Variants in GAREM1 observed in about 807,000 individuals in gnomAD.
The protein encoded by GAREM1 is GRB2-associated and regulator of MAPK protein 1.
GAREM1 carries 26 observed loss-of-function variants against 71.3 expected under a neutral mutation model. The observed-to-expected ratio is 0.36, with a 90% CI of 0.27 to 0.51. The LOEUF is 0.51. Among genes scored for constraint, GAREM1 ranks in the 20% least tolerant of loss-of-function variants. The pLI, the probability that GAREM1 is intolerant of heterozygous loss-of-function variation, is 0.95. For synonymous variants in GAREM1, 440 were observed against 433.2 expected, an observed-to-expected ratio of 1.02 and a Z score of -0.20; for missense variants, 1,026 against 1,103.1, an observed-to-expected ratio of 0.93 and a Z score of 0.99.
chr18:32,385,952 C>G (rs2048143483), intron 2 of GAREM1, among the ~76,000 whole-genome samples: 1 of 152,142 alleles, frequency 6.6e-6, no homozygotes, highest in Non-Finnish European at 1.5e-5. Flanking sequence ...ATGGTAAGCA[C>G]TAAATAAATT....
At chr18:32,286,194 A>G (rs2047015794) in intron 4 of GAREM1, among the ~76,000 whole-genome samples, 1 of 152,210 alleles carries the variant, frequency 6.6e-6, no homozygotes. Context: ...GAACATGGTC[A>G]AAATAGAGGG....
intron 2 of GAREM1, among the ~76,000 whole-genome samples, chr18:32,352,909 C>G (rs1381751010): frequency 6.6e-6 from 1 of 152,062 alleles, no homozygotes; most frequent in African/African-American, 2.4e-5. Context: ...AGAACTAGTA[C>G]TAATATGGAA....
chr18:32,269,137 G>A (rs1002663841), intron 5 of GAREM1, among the ~76,000 whole-genome samples: 1 of 152,164 alleles, frequency 6.6e-6, no homozygotes, highest in Admixed American at 6.5e-5. Context: ...GAGGGTAGAA[G>A]GAGAGAATAG....
chr18:32,457,226 A>AGAGAGTGTGT lies in GAREM1; in HGVS notation c.121+13081_121+13082insACACACTCTC, dbSNP rs1555648709. On this transcript the variant is annotated intron_variant, in intron 1 of 5. Transcript: ENST00000269209. ...GGGGGGGAGAGAGAGAGAGAGAGAG[A>AGAGAGTGTGT]GTGTGTGTGTGTGTGTGTGTGTGTG... Among the ~76,000 whole-genome samples, 123 of 81,970 alleles carry AGAGAGTGTGT rather than the reference A, an allele frequency of 1.5e-3. 1 individual carries two copies. Among genetic ancestry groups the AGAGAGTGTGT allele is most frequent in the African/African-American group, 4.8e-3 (115 of 23,982 alleles). The allele number at this position is 81,970 out of a possible 152,430, so 53.8% of individuals were successfully genotyped here.
At chr18:32,463,987 TAA>T (rs558638151) in intron 1 of GAREM1, among the ~76,000 whole-genome samples, 286 of 123,248 alleles carry the variant, frequency 2.3e-3, no homozygotes, top group Admixed American at 5.3e-3. Context: ...AGTACGTGGT[TAA>T]AAAAAAAAAA....
At chr18:32,449,695 A>G (rs1367278602) in intron 1 of GAREM1, among the ~76,000 whole-genome samples, 1 of 152,198 alleles carries the variant, frequency 6.6e-6, no homozygotes, top group Non-Finnish European at 1.5e-5. Flanking sequence ...CAGGCACGGT[A>G]GAAGTTTAAT....
chr18:32,326,889 C>G (rs1036043773), intron 2 of GAREM1, among the ~76,000 whole-genome samples: 2 of 152,192 alleles, frequency 1.3e-5, no homozygotes, highest in African/African-American at 4.8e-5. Flanking sequence ...AATATTCCAT[C>G]CAACAGGGGC....
In GAREM1 at chr18:32,345,126, A is replaced by G. The variant is rs79693013; in HGVS notation, c.263-34803T>C. Among the ~76,000 whole-genome samples, 1,303 of 152,332 alleles carry G rather than the reference A, an allele frequency of 8.6e-3. 21 individuals are homozygous for G. Among genetic ancestry groups the G allele is most frequent in the African/African-American group, 0.03 (1,235 of 41,574 alleles). ...AACAACAAAAAACAGTCTGCAGTCTATAAGTAAATCAGACAAGTAAAATGT... is the reference window on the plus strand; with the variant it reads ...AACAACAAAAAACAGTCTGCAGTCTGTAAGTAAATCAGACAAGTAAAATGT... On this transcript the variant is annotated intron_variant, in intron 2 of 5. Transcript: ENST00000269209.
intron 1 of GAREM1, among the ~76,000 whole-genome samples, chr18:32,448,591 G>T (rs17811714): frequency 0.14 from 21,199 of 152,140 alleles, 1,833 homozygotes; most frequent in East Asian, 0.39. Flanking sequence ...TAGAAAGAAG[G>T]CTGGAGTTTC....
At chr18:32,407,101 A>G (rs1445248089) in intron 1 of GAREM1, among the ~76,000 whole-genome samples, 29 of 152,190 alleles carry the variant, frequency 1.9e-4, no homozygotes, top group Admixed American at 1.9e-3. Flanking sequence ...GCAAGTGCCT[A>G]CGTTTCTACT....
intron 2 of GAREM1, among the ~76,000 whole-genome samples, chr18:32,388,691 T>A (rs1283689997): frequency 6.6e-6 from 1 of 152,138 alleles, no homozygotes; most frequent in African/African-American, 2.4e-5. Flanking sequence ...TAGAAAATAA[T>A]TTGCCTGTAT....
At chr18:32,324,635 A>G (rs113921010) in intron 2 of GAREM1, among the ~76,000 whole-genome samples, 4 of 152,358 alleles carry the variant, frequency 2.6e-5, no homozygotes, top group African/African-American at 9.6e-5. Context: ...CACCCACGCC[A>G]GCTTGCGCAT....
rs530344562 is a variant in GAREM1, at chr18:32,456,526, A to G, written c.121+13782T>C. Among the ~76,000 whole-genome samples, 6 of 152,300 alleles carry G rather than the reference A, an allele frequency of 3.9e-5. No homozygotes were observed. The South Asian group carries it at 1.2e-3, about 32-fold the overall frequency. ...TGGACTTTTTGGATAGCATTCTGGC[A>G]GCATCTATTAAATCAACTCCACTTC... On this transcript the variant is annotated intron_variant, in intron 1 of 5. Coordinates refer to ENST00000269209, the MANE Select transcript of GAREM1 (RefSeq NM_001242409.2).
intron 2 of GAREM1, among the ~76,000 whole-genome samples, chr18:32,320,821 T>C (rs1317697774): frequency 6.6e-6 from 1 of 152,216 alleles, no homozygotes; most frequent in Admixed American, 6.5e-5. Context: ...CATTTTTCAT[T>C]GTATCTCACT....
chr18:32,407,594 G>A (rs551872757), intron 1 of GAREM1, among the ~76,000 whole-genome samples: 22 of 152,218 alleles, frequency 1.4e-4, no homozygotes, highest in Admixed American at 4.6e-4. Context: ...AGAATCTCCA[G>A]TACAATGCTG....
In GAREM1 at chr18:32,413,793, A is replaced by T. The variant is rs944279409; in HGVS notation, c.122-20758T>A. Among the ~76,000 whole-genome samples, 15 of 152,024 alleles carry T rather than the reference A, an allele frequency of 9.9e-5. No homozygotes were observed. In the East Asian group the frequency reaches 1.9e-3, roughly 19 times the overall value. On this transcript the variant is annotated intron_variant, in intron 1 of 5. Transcript: ENST00000269209. Reference sequence around the variant, plus strand: ...GAGGAAAAAAAACCCACCAAAACAAACCCCAGGAGTTTACAGATATTGACT... The same window carrying T: ...GAGGAAAAAAAACCCACCAAAACAATCCCCAGGAGTTTACAGATATTGACT...
chr18:32,363,693 G>A (rs573427211), intron 2 of GAREM1, among the ~76,000 whole-genome samples: 1 of 151,846 alleles, frequency 6.6e-6, no homozygotes, highest in Admixed American at 6.6e-5. Flanking sequence ...CCCTGTTACA[G>A]GAACACTGGA....
At position 32,264,895 on chromosome 18, in the gene GAREM1, TTAGA is replaced by T. The variant is rs1461948097; in HGVS notation, c.*2972_*2975del. ...ATCTAAGGACCCAAAAGGGTCTTGT[TTAGA>T]TAGACACTTCCTCTCTTTTGATTAC... On this transcript the variant is annotated 3_prime_UTR_variant, in exon 6 of 6. Coordinates refer to ENST00000269209, the MANE Select transcript of GAREM1 (RefSeq NM_001242409.2). The T allele has an allele frequency of 6.6e-6, 1 of 152,184 alleles. No individual in the cohort carries two copies. Among genetic ancestry groups the T allele is most frequent in the East Asian group, 1.9e-4 (1 of 5,202 alleles). 9.4% of individuals were successfully genotyped at this position (152,184 alleles called of 1,614,324 possible).
At chr18:32,468,081 T>A (rs1295169426) in intron 1 of GAREM1, among the ~76,000 whole-genome samples, 1 of 152,224 alleles carries the variant, frequency 6.6e-6, no homozygotes, top group Admixed American at 6.5e-5. Context: ...ATGCTCACGT[T>A]GGTGTAAACG....
Sources: gnomAD v4.1 joint callset for allele counts (sites outside exome capture counted in the v4.1 genomes callset) on GRCh38, gnomAD v4.1.1 for gene constraint, MANE v1.5 for transcripts, NCBI Gene and HGNC (gene_info 2026-07-23, HGNC 2026-07-21) for gene names.